The following DIAPH2 variants were observed in gnomAD, a reference collection of about 807,000 sequenced individuals.
DIAPH2 encodes the protein diaphanous related formin 2, also known as protein diaphanous homolog 2.
Under a neutral mutation model 92.7 loss-of-function variants are expected in DIAPH2, and 35 were observed. That is an observed-to-expected ratio of 0.38 (90% CI 0.29 to 0.50). DIAPH2 has a LOEUF of 0.50. Among genes scored for constraint, DIAPH2 ranks in the 20% least tolerant of loss-of-function variants. The pLI is 0.94. For synonymous variants in DIAPH2, 301 were observed against 280.4 expected (o/e 1.07, Z -0.73); for missense variants, 701 against 819.5 (o/e 0.86, Z 1.77).
chrX:96,840,448 A>G (rs2064927958), intron 4 of DIAPH2, among the ~76,000 whole-genome samples: 1 of 111,439 alleles, frequency 9.0e-6, no homozygotes, highest in East Asian at 2.8e-4. Context: ...TACATTCTCC[A>G]CTGGGAATCA....
chrX:96,931,608 G>GAA (rs200899572), intron 10 of DIAPH2, among the ~76,000 whole-genome samples: 1 of 107,460 alleles, frequency 9.3e-6, no homozygotes, highest in African/African-American at 3.4e-5. Flanking sequence ...ACTAAGGAGA[G>GAA]AAAAAAACAA....
intron 17 of DIAPH2, among the ~76,000 whole-genome samples, chrX:97,000,410 A>T (rs996071462): frequency 8.9e-6 from 1 of 112,239 alleles, no homozygotes; most frequent in African/African-American, 3.2e-5. Context: ...CGCAGCTTTT[A>T]GCTAAATAGT....
chrX:97,329,544 T>A (rs2068978880), intron 23 of DIAPH2, among the ~76,000 whole-genome samples: 1 of 111,703 alleles, frequency 9.0e-6, no homozygotes, highest in Non-Finnish European at 1.9e-5. Flanking sequence ...GTATATAACC[T>A]GTTCTATCAG....
At chrX:97,318,504 T>C (rs2068861331) in intron 23 of DIAPH2, among the ~76,000 whole-genome samples, 1 of 87,666 alleles carries the variant, frequency 1.1e-5, no homozygotes, top group Admixed American at 1.3e-4. Flanking sequence ...TTTTTTTTTT[T>C]TTTTTGAGAT....
chrX:97,519,938 C>A (rs2070979434), intron 26 of DIAPH2, among the ~76,000 whole-genome samples: 1 of 110,503 alleles, frequency 9.0e-6, no homozygotes, highest in Admixed American at 9.6e-5. Context: ...GTCTTGAACT[C>A]CTGACCTCAT....
chrX:97,004,843 A>G (rs936990718), intron 17 of DIAPH2, among the ~76,000 whole-genome samples: 3 of 112,094 alleles, frequency 2.7e-5, no homozygotes, highest in Non-Finnish European at 5.6e-5. Context: ...TATGTTGAAT[A>G]ACAGTGGTGA....
intron 23 of DIAPH2, among the ~76,000 whole-genome samples, chrX:97,340,478 T>C (rs2069103133): frequency 9.0e-6 from 1 of 110,811 alleles, no homozygotes; most frequent in East Asian, 2.8e-4. Context: ...TTCTCCTCCT[T>C]CTCCATAGAC....
chrX:96,872,025 A>G (rs1000850380), intron 4 of DIAPH2, among the ~76,000 whole-genome samples: 1 of 112,142 alleles, frequency 8.9e-6, no homozygotes, highest in Non-Finnish European at 1.9e-5. Context: ...TGTAAATGAC[A>G]TTCCTTTTTT....
At chrX:96,768,077 A>G (rs1056174040) in intron 4 of DIAPH2, among the ~76,000 whole-genome samples, 2 of 112,180 alleles carry the variant, frequency 1.8e-5, no homozygotes, top group African/African-American at 6.5e-5. Context: ...TTTAGTAACA[A>G]TGCATGAAAC....
chrX:97,253,026 C>T (rs1230723362), intron 23 of DIAPH2, among the ~76,000 whole-genome samples: 8 of 111,445 alleles, frequency 7.2e-5, no homozygotes, highest in Non-Finnish European at 1.3e-4. Context: ...CAATGGCTCA[C>T]ACTTGTAATC....
intron 22 of DIAPH2, among the ~76,000 whole-genome samples, chrX:97,187,280 C>CTTTTTTTTTTTTTTTTT (rs1569323905): frequency 2.0e-4 from 2 of 10,220 alleles, no homozygotes; most frequent in African/African-American, 2.6e-4. Flanking sequence ...AATTAAGTAG[C>CTTTTTTTTTTTTTTTTT]CTTTTTTTTT....
intron 26 of DIAPH2, among the ~76,000 whole-genome samples, chrX:97,486,019 TAA>T (rs59648553): frequency 4.3e-5 from 4 of 93,161 alleles, no homozygotes; most frequent in Admixed American, 2.4e-4. Flanking sequence ...GTACCGAAAA[TAA>T]AAAAAAAAAA....
chrX:97,163,163 C>A (rs1012094117), intron 22 of DIAPH2, among the ~76,000 whole-genome samples: 3 of 110,170 alleles, frequency 2.7e-5, no homozygotes, highest in Admixed American at 9.7e-5. Context: ...TCTTTCTATT[C>A]TTTTCCTTTC....
intron 17 of DIAPH2, among the ~76,000 whole-genome samples, chrX:96,990,271 G>C (rs1024430861): frequency 8.9e-6 from 1 of 112,381 alleles, no homozygotes; most frequent in East Asian, 2.8e-4. Context: ...ACTAAAGATT[G>C]AGCCAGGGCT....
chrX:97,285,040 T>G (rs1217443769), intron 23 of DIAPH2, among the ~76,000 whole-genome samples: 1 of 111,692 alleles, frequency 9.0e-6, no homozygotes, highest in Non-Finnish European at 1.9e-5. Flanking sequence ...GATTACTTCT[T>G]TATAAAACAA....
intron 25 of DIAPH2, among the ~76,000 whole-genome samples, chrX:97,400,069 A>G (rs2069740855): frequency 8.9e-6 from 1 of 112,624 alleles, no homozygotes; most frequent in Non-Finnish European, 1.9e-5. Context: ...TAGACATTGA[A>G]TATTCATAGG....
At chrX:97,344,940 C>T (rs1016903378) in intron 23 of DIAPH2, among the ~76,000 whole-genome samples, 1 of 112,036 alleles carries the variant, frequency 8.9e-6, no homozygotes, top group Non-Finnish European at 1.9e-5. Flanking sequence ...AAGTAAGTGA[C>T]CTTTGCAAAG....
At chrX:97,193,369 A>G (rs2067672538) in intron 22 of DIAPH2, among the ~76,000 whole-genome samples, 2 of 111,072 alleles carry the variant, frequency 1.8e-5, no homozygotes, top group African/African-American at 6.5e-5. Context: ...TTCTTCTTTT[A>G]CCAGATTTAT....
chrX:97,384,836 A>G (rs1158811024), intron 25 of DIAPH2, among the ~76,000 whole-genome samples: 1 of 110,424 alleles, frequency 9.1e-6, no homozygotes, highest in Non-Finnish European at 1.9e-5. Flanking sequence ...ACTGCACTCC[A>G]GCCTAGGCAA....
Sources: gnomAD v4.1 joint callset for allele counts (sites outside exome capture counted in the v4.1 genomes callset) on GRCh38, gnomAD v4.1.1 for gene constraint, MANE v1.5 for transcripts, NCBI Gene and HGNC (gene_info 2026-07-23, HGNC 2026-07-21) for gene names.